The following B3GALT1 variants were observed in gnomAD, a reference collection of about 807,000 sequenced individuals.
B3GALT1 encodes UDP-Gal:betaGlcNAc beta 1,3-galactosyltransferase, polypeptide 1.
In B3GALT1, 10 loss-of-function variants were observed where a neutral mutation model predicts 23.2. That is an observed-to-expected ratio of 0.43 (90% CI 0.27 to 0.73). The LOEUF (loss-of-function observed/expected upper bound fraction) is 0.73. Among genes scored for constraint, B3GALT1 ranks in the 30% least tolerant of loss-of-function variants. The pLI is 0.21. For missense variants in B3GALT1, 299 were observed against 405.4 expected, an observed-to-expected ratio of 0.74 and a Z score of 2.25; for synonymous variants, 156 against 141.5, an observed-to-expected ratio of 1.10 and a Z score of -0.73.
chr2:167,824,029 A>T (rs1401939530), intron 4 of B3GALT1, among the ~76,000 whole-genome samples: 1 of 152,266 alleles, frequency 6.6e-6, no homozygotes, highest in East Asian at 1.9e-4. Flanking sequence ...TGTGTGGAAC[A>T]CAACAGTTTC....
chr2:167,514,718 A>G (rs1037277822), intron 2 of B3GALT1, among the ~76,000 whole-genome samples: 2 of 152,216 alleles, frequency 1.3e-5, no homozygotes, highest in African/African-American at 4.8e-5. Context: ...CTTTAGAATC[A>G]AGCAGCTAAT....
intron 3 of B3GALT1, among the ~76,000 whole-genome samples, chr2:167,655,554 C>T (rs1685942620): frequency 6.6e-6 from 1 of 152,084 alleles, no homozygotes; most frequent in South Asian, 2.1e-4. Flanking sequence ...CAAGGGAGCT[C>T]AGAAAGTATA....
rs550978671 is a variant in B3GALT1 at position 167,867,186 on chromosome 2, A to G, written c.-229-1625A>G. Among the ~76,000 whole-genome samples, 3 of 152,280 alleles carry G rather than the reference A, an allele frequency of 2.0e-5. No individual in the cohort carries two copies. The South Asian group carries it at 6.2e-4, about 32-fold the overall frequency. ...CGTGATCCGCCCCCCTTGGCCTCCC[A>G]AAGTGCTGGGATTACAGGCGTGAGC... On this transcript the variant is annotated intron_variant, in intron 4 of 4. Coordinates refer to ENST00000392690, the MANE Select transcript of B3GALT1 (RefSeq NM_020981.4).
At chr2:167,667,350 G>A (rs2105479263) in intron 3 of B3GALT1, among the ~76,000 whole-genome samples, 1 of 152,298 alleles carries the variant, frequency 6.6e-6, no homozygotes. Context: ...CCCTTTGAGG[G>A]TAACCCGACC....
intron 2 of B3GALT1, among the ~76,000 whole-genome samples, chr2:167,526,607 T>C (rs1683224173): frequency 6.6e-6 from 1 of 152,256 alleles, no homozygotes; most frequent in Non-Finnish European, 1.5e-5. Context: ...GCACAATTTG[T>C]GTATGTGTGT....
At chr2:167,393,507 G>A (rs1394896418) in intron 1 of B3GALT1, among the ~76,000 whole-genome samples, 5 of 152,028 alleles carry the variant, frequency 3.3e-5, no homozygotes, top group African/African-American at 4.8e-5. Flanking sequence ...ATTAGAAAAC[G>A]AAACAGCTAA....
chr2:167,767,055 T>C (rs867979269), intron 3 of B3GALT1, among the ~76,000 whole-genome samples: 5 of 152,330 alleles, frequency 3.3e-5, no homozygotes, highest in African/African-American at 1.2e-4. Context: ...CTTCAGGATC[T>C]TGATCCCATT....
intron 3 of B3GALT1, among the ~76,000 whole-genome samples, chr2:167,670,568 G>A (rs1325207269): frequency 6.6e-6 from 1 of 152,112 alleles, no homozygotes; most frequent in Non-Finnish European, 1.5e-5. Flanking sequence ...CCAAAGAAGT[G>A]GAGCTCTATG....
intron 1 of B3GALT1, among the ~76,000 whole-genome samples, chr2:167,483,206 T>C (rs1482193331): frequency 6.6e-6 from 1 of 151,960 alleles, no homozygotes; most frequent in Non-Finnish European, 1.5e-5. Flanking sequence ...GGCAGGAGAA[T>C]CACTTGAACC....
intron 1 of B3GALT1, among the ~76,000 whole-genome samples, chr2:167,303,347 C>T (rs1696482426): frequency 6.6e-6 from 1 of 152,056 alleles, no homozygotes; most frequent in African/African-American, 2.4e-5. Context: ...AGTTTTCATT[C>T]CTCAAATAGG....
intron 2 of B3GALT1, among the ~76,000 whole-genome samples, chr2:167,644,644 G>A (rs750519709): frequency 4.0e-5 from 6 of 151,866 alleles, no homozygotes; most frequent in African/African-American, 1.5e-4. Context: ...GCCAGGCATG[G>A]TGGTGGGGGC....
chr2:167,843,774 G>A (rs575783093), intron 4 of B3GALT1, among the ~76,000 whole-genome samples: 1 of 152,290 alleles, frequency 6.6e-6, no homozygotes, highest in South Asian at 2.1e-4. Context: ...AATATTAGTG[G>A]CCTGGGAATA....
At chr2:167,526,201 A>T (rs529345027) in intron 2 of B3GALT1, among the ~76,000 whole-genome samples, 207 of 152,246 alleles carry the variant, frequency 1.4e-3, no homozygotes, top group African/African-American at 4.7e-3. Flanking sequence ...ACACACACAC[A>T]CACATATATG....
intron 1 of B3GALT1, among the ~76,000 whole-genome samples, chr2:167,364,667 C>G (rs1697558900): frequency 6.6e-6 from 1 of 152,300 alleles, no homozygotes; most frequent in Non-Finnish European, 1.5e-5. Flanking sequence ...AGAACATGAA[C>G]TCATCCTTTT....
chr2:167,302,509 G>A (rs567627413), intron 1 of B3GALT1, among the ~76,000 whole-genome samples: 1 of 152,066 alleles, frequency 6.6e-6, no homozygotes, highest in Admixed American at 6.5e-5. Context: ...GTGATATCTG[G>A]TTAATTTCAT....
chr2:167,380,928 A>G (rs989423343), intron 1 of B3GALT1, among the ~76,000 whole-genome samples: 1 of 152,032 alleles, frequency 6.6e-6, no homozygotes, highest in African/African-American at 2.4e-5. Context: ...GTGGATTCCC[A>G]TTTTCCTTCT....
chr2:167,412,818 G>T (rs1032876526), intron 1 of B3GALT1, among the ~76,000 whole-genome samples: 1 of 152,090 alleles, frequency 6.6e-6, no homozygotes, highest in Non-Finnish European at 1.5e-5. Context: ...ACTGGAAATA[G>T]CTATAAACAA....
At chr2:167,671,284 G>T (rs1167438663) in intron 3 of B3GALT1, among the ~76,000 whole-genome samples, 1 of 152,056 alleles carries the variant, frequency 6.6e-6, no homozygotes, top group Non-Finnish European at 1.5e-5. Context: ...GGAAACAGTG[G>T]GAGGAATAAC....
rs112672652 is a variant in B3GALT1, at chr2:167,810,803, A to G, written c.-351-7869A>G. On this transcript the variant is annotated intron_variant, in intron 3 of 4. Transcript: ENST00000392690. ...CTGCACATACTGCCCCAAGTTGTCA[A>G]TTGTTATCTCGGCAGAAAAATAGTT... Among the ~76,000 whole-genome samples, 1,194 of 144,474 alleles carry G rather than the reference A, an allele frequency of 8.3e-3. 96 individuals are homozygous for G. The highest frequency in any genetic ancestry group is 0.033 in the African/African-American group (1,116 of 34,298). The allele number at this position is 144,474 out of a possible 152,430, so 94.8% of individuals were successfully genotyped here.
Sources: gnomAD v4.1 joint callset for allele counts (sites outside exome capture counted in the v4.1 genomes callset) on GRCh38, gnomAD v4.1.1 for gene constraint, MANE v1.5 for transcripts, NCBI Gene and HGNC (gene_info 2026-07-23, HGNC 2026-07-21) for gene names.